KAZN: variants seen among roughly 807,000 people sequenced by gnomAD.
KAZN encodes the protein kazrin.
Under a neutral mutation model 87.4 loss-of-function variants are expected in KAZN, and 40 were observed. The observed-to-expected ratio is 0.46, with a 90% CI of 0.36 to 0.60. KAZN has a LOEUF of 0.60. Among genes scored for constraint, KAZN ranks in the 20% least tolerant of loss-of-function variants. The pLI is 0.00. For synonymous variants in KAZN, 466 were observed against 458.3 expected (o/e 1.02, Z -0.22); for missense variants, 898 against 1,073.9 (o/e 0.84, Z 2.29).
chr1:14,057,190 A>G (rs1642609671), intron 1 of KAZN, among the ~76,000 whole-genome samples: 1 of 150,572 alleles, frequency 6.6e-6, no homozygotes, highest in Admixed American at 6.6e-5. Flanking sequence ...GCTGGAGTAC[A>G]GTGGTGCAAT....
chr1:13,905,370 C>A (rs1639397081), intron 1 of KAZN, among the ~76,000 whole-genome samples: 1 of 152,182 alleles, frequency 6.6e-6, no homozygotes, highest in Non-Finnish European at 1.5e-5. Context: ...AATTTCCAGG[C>A]TGGATATTTC....
At chr1:14,458,255 A>G (rs58844367) in intron 2 of KAZN, among the ~76,000 whole-genome samples, 5,957 of 152,318 alleles carry the variant, frequency 0.039, 389 homozygotes, top group African/African-American at 0.13. Context: ...TTGAGAGTTT[A>G]TCATATTTCT....
chr1:13,980,672 C>T (rs1339322464), intron 1 of KAZN, among the ~76,000 whole-genome samples: 1 of 152,074 alleles, frequency 6.6e-6, no homozygotes, highest in African/African-American at 2.4e-5. Flanking sequence ...ACAATCAGGG[C>T]TAGAGATTTT....
intron 1 of KAZN, among the ~76,000 whole-genome samples, chr1:14,097,043 C>T (rs1274665208): frequency 6.6e-6 from 1 of 152,120 alleles, no homozygotes; most frequent in Non-Finnish European, 1.5e-5. Flanking sequence ...AGGCAAAATG[C>T]CATTGTAGAG....
At chr1:14,969,410 G>C (rs880923) in intron 2 of KAZN, among the ~76,000 whole-genome samples, 53,489 of 152,142 alleles carry the variant, frequency 0.35, 10,305 homozygotes, top group African/African-American at 0.52. Flanking sequence ...AGCTACTGCT[G>C]TTTCTTTAGC....
intron 1 of KAZN, among the ~76,000 whole-genome samples, chr1:14,670,559 A>G: frequency 6.6e-6 from 1 of 152,106 alleles, no homozygotes; most frequent in East Asian, 1.9e-4. Flanking sequence ...GATACCATGA[A>G]CTCATCCCCT....
At chr1:14,455,442 C>G (rs1667515682) in intron 2 of KAZN, among the ~76,000 whole-genome samples, 1 of 152,146 alleles carries the variant, frequency 6.6e-6, no homozygotes, top group African/African-American at 2.4e-5. Flanking sequence ...TCACTGCGGG[C>G]CATCTTGGAG....
chr1:14,825,161 C>T (rs752794318), intron 1 of KAZN, among the ~76,000 whole-genome samples: 43 of 152,242 alleles, frequency 2.8e-4, no homozygotes, highest in Non-Finnish European at 5.6e-4. Context: ...TAAGTCATGT[C>T]CATTCAAAGG....
intron 1 of KAZN, among the ~76,000 whole-genome samples, chr1:14,764,122 T>C (rs1644818874): frequency 6.6e-6 from 1 of 152,056 alleles, no homozygotes; most frequent in Non-Finnish European, 1.5e-5. Flanking sequence ...CAGGTGATGG[T>C]TCTCATTTAC....
rs1209348376 is a variant in KAZN at position 15,021,799 on chromosome 1, G to A, written c.419-12950G>A. ...AGCTGTTTCCAGCCCTTTCTCATTG[G>A]AAGCCCTGGCTCCTGGCATCTGTAT... is the stretch of plus-strand genomic sequence containing the variant. On this transcript the variant is annotated intron_variant, in intron 2 of 14. Transcript: ENST00000376030. The surrounding 1 kb of genome is among the most constrained non-coding windows in gnomAD (Gnocchi z 4.2). Among the ~76,000 whole-genome samples the A allele has an allele frequency of 6.6e-6, 1 of 152,158 alleles. No homozygotes were observed. Among genetic ancestry groups the A allele is most frequent in the Non-Finnish European group, 1.5e-5 (1 of 68,026 alleles).
At chr1:14,314,352 C>T (rs1380922578) in intron 2 of KAZN, among the ~76,000 whole-genome samples, 1 of 152,238 alleles carries the variant, frequency 6.6e-6, no homozygotes, top group Admixed American at 6.5e-5. Context: ...ATAAAATTTC[C>T]ACTCCTTCCA....
chr1:15,044,270 G>GGGGGCCC, intron 4 of KAZN, 111 bp downstream of exon 4: 2 of 413,328 alleles, frequency 4.8e-6, no homozygotes, highest in Non-Finnish European at 4.2e-6. Flanking sequence ...GGTGGGTGGG[G>GGGGGCCC]CAGAGCAGAA....
chr1:14,717,028 G>C (rs1572300309), intron 1 of KAZN, among the ~76,000 whole-genome samples: 1 of 151,324 alleles, frequency 6.6e-6, no homozygotes. Context: ...CCAGCTGGGA[G>C]GCTCCCTTGC....
chr1:14,351,051 CAA>C (rs1440599985), intron 2 of KAZN: 1 of 152,176 alleles, frequency 6.6e-6, no homozygotes, highest in Non-Finnish European at 1.5e-5. Context: ...GAGCACAAGC[CAA>C]TCAGGACCTG....
At chr1:14,765,886 G>C (rs536796938) in intron 1 of KAZN, among the ~76,000 whole-genome samples, 1 of 152,176 alleles carries the variant, frequency 6.6e-6, no homozygotes, top group Non-Finnish European at 1.5e-5. Flanking sequence ...TGGGTGACCC[G>C]CTGATGACAC....
At chr1:14,273,267 G>A (rs151333269) in intron 2 of KAZN, among the ~76,000 whole-genome samples, 78 of 152,026 alleles carry the variant, frequency 5.1e-4, no homozygotes, top group Admixed American at 1.4e-3. Flanking sequence ...GAAATGAAAC[G>A]GAAAGGTATG....
chr1:14,685,605 TCA>T (rs1352893203), intron 1 of KAZN, among the ~76,000 whole-genome samples: 6 of 152,230 alleles, frequency 3.9e-5, no homozygotes, highest in South Asian at 2.1e-4. Context: ...GTTCGCCTGC[TCA>T]GAGTCACTTG....
At chr1:14,442,840 C>T (rs115281587) in intron 2 of KAZN, among the ~76,000 whole-genome samples, 2 of 152,320 alleles carry the variant, frequency 1.3e-5, no homozygotes, top group Non-Finnish European at 2.9e-5. Flanking sequence ...TGTTCATTGC[C>T]GCCTTGTGGC....
intron 1 of KAZN, among the ~76,000 whole-genome samples, chr1:14,639,101 C>A (rs1335549811): frequency 6.6e-6 from 1 of 152,190 alleles, no homozygotes; most frequent in African/African-American, 2.4e-5. Flanking sequence ...CTTCCGTGCA[C>A]CCTTGGTGTG....
Sources: allele counts gnomAD v4.1 joint callset (sites outside exome capture counted in the v4.1 genomes callset), GRCh38; gene constraint gnomAD v4.1.1; non-coding constraint Gnocchi (gnomAD v3.1); transcripts MANE v1.5; gene names NCBI Gene and HGNC (gene_info 2026-07-23, HGNC 2026-07-21).